Variants in SCRN3 observed in about 807,000 individuals in gnomAD.
SCRN3 encodes the protein secernin-3.
Under a neutral mutation model 43.1 loss-of-function variants are expected in SCRN3, and 39 were observed. The ratio of observed to expected loss-of-function variants is 0.91; its 90% confidence interval spans 0.70 to 1.18. The LOEUF (loss-of-function observed/expected upper bound fraction) is 1.18, where lower values mean the gene tolerates loss of function less well. Ranked by LOEUF, SCRN3 falls within the 50% of genes most tolerant of loss-of-function variation. The pLI is 0.00. For missense variants in SCRN3, 484 were observed against 498.0 expected, an observed-to-expected ratio of 0.97 and a Z score of 0.27; for synonymous variants, 147 against 163.1, an observed-to-expected ratio of 0.90 and a Z score of 0.75.
At chr2:174,418,206 C>A (rs916195226) in intron 5 of SCRN3, among the ~76,000 whole-genome samples, 8 of 152,202 alleles carry the variant, frequency 5.3e-5, no homozygotes, top group African/African-American at 1.9e-4. Flanking sequence ...GGAATAGATG[C>A]ATCTGACATG....
At chr2:174,415,492 C>A (rs1448588773) in intron 5 of SCRN3, among the ~76,000 whole-genome samples, 1 of 152,074 alleles carries the variant, frequency 6.6e-6, no homozygotes, top group East Asian at 1.9e-4. Context: ...TAAAAAATAA[C>A]TTCCAATGTA....
chr2:174,408,680 C>T (rs1217251164), intron 5 of SCRN3, among the ~76,000 whole-genome samples: 2 of 139,374 alleles, frequency 1.4e-5, no homozygotes, highest in African/African-American at 5.2e-5. Flanking sequence ...TCAGCATTTG[C>T]TTGTCTGTAA....
At chr2:174,411,555 A>G (rs1003578970) in intron 5 of SCRN3, among the ~76,000 whole-genome samples, 10 of 152,270 alleles carry the variant, frequency 6.6e-5, no homozygotes, top group African/African-American at 1.9e-4. Context: ...TTCGTTCTGT[A>G]TAACTCCCAT....
chr2:174,423,159 T>A, intron 6 of SCRN3, 112 bp downstream of exon 6: 1 of 735,242 alleles, frequency 1.4e-6, no homozygotes, highest in East Asian at 2.7e-5. Context: ...AGGACAATAA[T>A]TTTTAATATA....
chr2:174,429,838 G>T (rs1440443897), downstream of SCRN3, among the ~76,000 whole-genome samples: 2 of 151,890 alleles, frequency 1.3e-5, no homozygotes, highest in Non-Finnish European at 2.9e-5. Flanking sequence ...CCATAGTTTT[G>T]CCTTTTCCAT....
intron 3 of SCRN3, among the ~76,000 whole-genome samples, chr2:174,400,521 A>G (rs1401257373): frequency 7.9e-5 from 12 of 151,650 alleles, no homozygotes; most frequent in Admixed American, 7.9e-4. Flanking sequence ...CTTGTCTTGA[A>G]CTCCTGGCCT....
At chr2:174,416,961 T>A (rs1686132636) in intron 5 of SCRN3, among the ~76,000 whole-genome samples, 1 of 152,226 alleles carries the variant, frequency 6.6e-6, no homozygotes, top group South Asian at 2.1e-4. Context: ...AGTTAATATC[T>A]TATTTATATT....
rs1177710933 is a variant in SCRN3, at chr2:174,427,834, A to G, written c.1214A>G (p.Gln405Arg). The G allele has an allele frequency of 1.2e-6, 2 of 1,606,098 alleles. No homozygotes were observed. Among genetic ancestry groups the G allele is most frequent in the African/African-American group, 1.3e-5 (1 of 74,962 alleles). The change falls in exon 8 of 8, where the codon CAG becomes CGG. Residue 405 changes from glutamine to arginine, a missense_variant. Gln to Arg is a conservative substitution (Grantham distance 43). Transcript: ENST00000272732. ...DVEKIVNLFP[Q>R]CTKDEIQIYQ... ...GAGAAAATTGTTAATCTCTTTCCTC[A>G]GTGTACAAAAGATGAAATTCAAATT...
chr2:174,396,057 G>A, intron 1 of SCRN3: 1 of 1,249,658 alleles, frequency 8.0e-7, no homozygotes, highest in Non-Finnish European at 1.0e-6. Context: ...TTTCTGCACT[G>A]TTTTTCTCAT....
intron 1 of SCRN3, chr2:174,397,483 GGAATTATATTGACATATTTT>G: frequency 1.5e-6 from 1 of 674,434 alleles, no homozygotes; most frequent in Non-Finnish European, 1.8e-6. Context: ...TCAGCAATTT[GGAATTATATTGACATATTTT>G]TGTCTGAATC....
intron 7 of SCRN3, among the ~76,000 whole-genome samples, chr2:174,425,856 A>G (rs1284755530): frequency 4.7e-4 from 72 of 152,108 alleles, no homozygotes; most frequent in Non-Finnish European, 7.4e-5. Flanking sequence ...GGGAGAGTCA[A>G]TCCTATTGGT....
chr2:174,428,043 T>C lies in SCRN3; in HGVS notation c.*148T>C, dbSNP rs1056473376. On this transcript the variant is annotated 3_prime_UTR_variant, in exon 8 of 8. Coordinates refer to ENST00000272732, the MANE Select transcript of SCRN3 (RefSeq NM_024583.5). ...AGTATTCAAGTGGTATCTTGACTAT[T>C]AAACTACGTATAGTGTTGCTGAAAT... The C allele has an allele frequency of 1.3e-4, 66 of 496,322 alleles. No homozygotes were observed. The Middle Eastern group carries it at 2.7e-3, about 20-fold the overall frequency. 30.7% of individuals were successfully genotyped at this position (496,322 alleles called of 1,614,324 possible). A position where few individuals can be genotyped will look rare whatever the true frequency, so the allele number is the denominator to read the frequency against.
chr2:174,424,594 G>A lies in SCRN3; in HGVS notation c.1037G>A (p.Arg346Lys). The A allele has an allele frequency of 6.2e-7, 1 of 1,613,334 alleles. No individual in the cohort carries two copies. The highest frequency in any genetic ancestry group is 8.5e-7 in the Non-Finnish European group (1 of 1,179,594). ...KKKSHFKPDR[R>K]HPLYQKHQQA... ...AAATCACATTTTAAGCCTGACAGAA[G>A]ACACCCACTCTACCAAAAACATCAA... Residue 346 changes from arginine to lysine, a missense_variant, in exon 7 of 8, where the codon AGA (arginine) becomes AAA (lysine). Arg to Lys is a conservative substitution (Grantham distance 26). Transcript: ENST00000272732.
Position 174,400,126 on chromosome 2 carries a change from A to G in SCRN3, c.341+23A>G, listed in dbSNP as rs756334567. 23 of 1,449,302 alleles carry G rather than the reference A, an allele frequency of 1.6e-5. No individual in the cohort carries two copies. The African/African-American group carries it at 3.3e-4, about 21-fold the overall frequency. 89.8% of individuals were successfully genotyped at this position (1,449,302 alleles called of 1,614,324 possible). Reference sequence around the variant, plus strand: ...CAGGTTATTTTTTGTTACATTTTATACTACAGACCTTGTCTAAATTTATAA... The same window carrying G: ...CAGGTTATTTTTTGTTACATTTTATGCTACAGACCTTGTCTAAATTTATAA... On this transcript the variant is annotated intron_variant, in intron 3 of 7. Transcript: ENST00000272732.
rs757877832 is a variant in SCRN3, at chr2:174,404,327, A to T, written c.754+12A>T. 10 of 1,562,896 alleles carry T rather than the reference A, an allele frequency of 6.4e-6. No homozygotes were observed. The Admixed American group carries it at 1.7e-4, about 26-fold the overall frequency. On this transcript the variant is annotated intron_variant, in intron 5 of 7. Transcript: ENST00000272732. ...AAATAAGCACAAAGGTAATTTTATC[A>T]TATAAATAATATTAGGATGACAAAC...
At chr2:174,404,582 A>C (rs1685626267) in intron 5 of SCRN3, among the ~76,000 whole-genome samples, 1 of 128,458 alleles carries the variant, frequency 7.8e-6, no homozygotes, top group Non-Finnish European at 1.6e-5. Flanking sequence ...CATTAGGTAT[A>C]TCTCCCAATG....
rs67646903 is a variant in SCRN3, at chr2:174,423,777, CTTTTTTTTTTTTT to C, written c.918-684_918-672del. On this transcript the variant is annotated intron_variant, in intron 6 of 7. Coordinates refer to ENST00000272732, the MANE Select transcript of SCRN3 (RefSeq NM_024583.5). ...AGCCACCGCACCCGGCCAAGTCTTCCTTTTTTTTTTTTTTTTTTTTTTTTTTGACACAGGGCCT... is the reference window on the plus strand; with the variant it reads ...AGCCACCGCACCCGGCCAAGTCTTCCTTTTTTTTTTTTTGACACAGGGCCT... 9.4e-4 allele frequency among the ~76,000 whole-genome samples: 90 copies of C among 95,850 alleles called. No individual in the cohort carries two copies. In the East Asian group the frequency reaches 0.011, roughly 12 times the overall value. The allele number at this position is 95,850 out of a possible 152,430, so 62.9% of individuals were successfully genotyped here. A position where few individuals can be genotyped will look rare whatever the true frequency, so the allele number is the denominator to read the frequency against.
At chr2:174,403,446 A>G (rs1685574156) in intron 4 of SCRN3, among the ~76,000 whole-genome samples, 1 of 152,214 alleles carries the variant, frequency 6.6e-6, no homozygotes, top group Non-Finnish European at 1.5e-5. Flanking sequence ...GATGACCAAA[A>G]ACTAGGAACA....
intron 5 of SCRN3, among the ~76,000 whole-genome samples, chr2:174,416,593 G>A (rs1013099079): frequency 1.3e-5 from 2 of 152,230 alleles, no homozygotes; most frequent in Admixed American, 1.3e-4. Flanking sequence ...CCCAAAAGGT[G>A]TTGGTGATTG....
Sources: allele counts gnomAD v4.1 joint callset (sites outside exome capture counted in the v4.1 genomes callset), GRCh38; gene constraint gnomAD v4.1.1; transcripts MANE v1.5; gene names NCBI Gene and HGNC (gene_info 2026-07-23, HGNC 2026-07-21).